Variants in ABCG2 observed in about 807,000 individuals in gnomAD.
ABCG2 encodes ATP binding cassette subfamily G member 2 (JR blood group).
In ABCG2, 80 loss-of-function variants were observed where a neutral mutation model predicts 73.5. The observed-to-expected ratio is 1.09, with a 90% CI of 0.91 to 1.31. ABCG2 has a LOEUF of 1.31. Among genes scored for constraint, ABCG2 ranks in the 50% most tolerant of loss-of-function variants. ABCG2 has a pLI of 0.00. For synonymous variants in ABCG2, 269 were observed against 282.4 expected (o/e 0.95, Z 0.48); for missense variants, 796 against 786.2 (o/e 1.01, Z -0.15).
Position 88,202,350 on chromosome 4 carries a change from TTATTTATATA to T in ABCG2, c.-20+28634_-20+28643del, listed in dbSNP as rs1190049151. Among the ~76,000 whole-genome samples, 146 of 35,394 alleles carry T rather than the reference TTATTTATATA, an allele frequency of 4.1e-3. 17 individuals carry two copies. Among genetic ancestry groups the T allele is most frequent in the East Asian group, 0.032 (3 of 94 alleles). 23.2% of individuals were successfully genotyped at this position (35,394 alleles called of 152,430 possible). On this transcript the variant is annotated intron_variant, in intron 1 of 15. Transcript: ENST00000515655. ...ACATAGGAGGACCCCATCTCTACAA[TTATTTATATA>T]TATATATATATATATATGTATATTT...
At chr4:88,149,087 T>C (rs1376720706) in intron 1 of ABCG2, among the ~76,000 whole-genome samples, 1 of 152,172 alleles carries the variant, frequency 6.6e-6, no homozygotes, top group Non-Finnish European at 1.5e-5. Flanking sequence ...TGGTGGCACA[T>C]GCCTGTAGAC....
chr4:88,112,653 G>T (rs1723220505), intron 9 of ABCG2, among the ~76,000 whole-genome samples: 1 of 152,054 alleles, frequency 6.6e-6, no homozygotes, highest in South Asian at 2.1e-4. Flanking sequence ...AGAACAAGTT[G>T]AATGAATCAG....
At chr4:88,181,398 C>CAAAAAAAAA (rs57417105) in intron 1 of ABCG2, among the ~76,000 whole-genome samples, 79 of 96,842 alleles carry the variant, frequency 8.2e-4, no homozygotes, top group African/African-American at 1.8e-3. Context: ...GACTCCATCT[C>CAAAAAAAAA]AAAAAAAAAA....
intron 1 of ABCG2, among the ~76,000 whole-genome samples, chr4:88,146,898 AGAAGGAAG>A (rs34167974): frequency 4.2e-4 from 52 of 124,512 alleles, no homozygotes; most frequent in South Asian, 8.8e-4. Context: ...AAAAGGAGAA[AGAAGGAAG>A]GAAGGAAGGA....
chr4:88,095,671 A>G, intron 13 of ABCG2, 62 bp from the exon 14 acceptor site: 1 of 1,334,556 alleles, frequency 7.5e-7, no homozygotes, highest in Non-Finnish European at 1.1e-6. Flanking sequence ...AATTCTAGAG[A>G]ATACCCTCTT....
intron 1 of ABCG2, among the ~76,000 whole-genome samples, chr4:88,214,396 C>A (rs937995503): frequency 6.6e-6 from 1 of 152,160 alleles, no homozygotes; most frequent in Admixed American, 6.5e-5. Context: ...CTTCTCCAAT[C>A]CCTCCCCCAT....
intron 1 of ABCG2, among the ~76,000 whole-genome samples, chr4:88,183,482 C>A (rs1444599449): frequency 6.6e-6 from 1 of 152,026 alleles, no homozygotes; most frequent in African/African-American, 2.4e-5. Context: ...GAAATAAATT[C>A]TTGAATACAC....
At chr4:88,227,180 G>A (rs1376542372) in intron 1 of ABCG2, among the ~76,000 whole-genome samples, 1 of 152,078 alleles carries the variant, frequency 6.6e-6, no homozygotes, top group African/African-American at 2.4e-5. Flanking sequence ...ATCACCTGAG[G>A]TCAGCAGTTC....
chr4:88,140,891 A>C (rs768388979), intron 1 of ABCG2, among the ~76,000 whole-genome samples: 29 of 152,208 alleles, frequency 1.9e-4, no homozygotes, highest in Admixed American at 1.5e-3. Flanking sequence ...AAAATCATTA[A>C]GTAAATCAAA....
At chr4:88,120,732 G>A (rs1405442514) in intron 6 of ABCG2, among the ~76,000 whole-genome samples, 1 of 152,092 alleles carries the variant, frequency 6.6e-6, no homozygotes, top group East Asian at 1.9e-4. Context: ...CAGGCCCATA[G>A]GTGGATGGAA....
At chr4:88,118,004 T>C in intron 7 of ABCG2, 105 bp downstream of exon 7, 1 of 1,112,956 alleles carries the variant, frequency 9.0e-7, no homozygotes, top group South Asian at 1.7e-5. Context: ...TAGATTCTCA[T>C]GGTATGTCTA....
At chr4:88,147,284 G>C (rs1223585010) in intron 1 of ABCG2, among the ~76,000 whole-genome samples, 1 of 152,074 alleles carries the variant, frequency 6.6e-6, no homozygotes, top group Non-Finnish European at 1.5e-5. Context: ...AACATGACAA[G>C]ACCCTGTCTC....
At chr4:88,093,470 C>G (rs1410250756) in intron 15 of ABCG2, among the ~76,000 whole-genome samples, 1 of 145,152 alleles carries the variant, frequency 6.9e-6, no homozygotes, top group Non-Finnish European at 1.5e-5. Flanking sequence ...TGCCACTGCA[C>G]TCCAGCCTCG....
At chr4:88,213,615 T>A (rs1189019538) in intron 1 of ABCG2, among the ~76,000 whole-genome samples, 3 of 152,102 alleles carry the variant, frequency 2.0e-5, no homozygotes, top group African/African-American at 7.2e-5. Context: ...TATGTATATA[T>A]ATGTGTGTGA....
At chr4:88,146,931 A>AAGGGAGGG (rs1196059568) in intron 1 of ABCG2, among the ~76,000 whole-genome samples, 6 of 137,058 alleles carry the variant, frequency 4.4e-5, no homozygotes, top group Non-Finnish European at 6.3e-5. Flanking sequence ...AGGAAGAAGG[A>AAGGGAGGG]AGGAAGGGAG....
intron 5 of ABCG2, among the ~76,000 whole-genome samples, chr4:88,129,931 C>A (rs959438852): frequency 6.6e-6 from 1 of 152,020 alleles, no homozygotes; most frequent in African/African-American, 2.4e-5. Context: ...ACAATTGTAT[C>A]TCTAGAACCT....
intron 1 of ABCG2, among the ~76,000 whole-genome samples, chr4:88,190,316 T>C (rs2127863): frequency 0.84 from 128,031 of 152,130 alleles, 54,051 homozygotes; most frequent in East Asian, 1. Context: ...TCACTTTATA[T>C]CCCTGTTCTA....
Position 88,214,101 on chromosome 4 carries a change from C to T in ABCG2, c.-20+16893G>A, listed in dbSNP as rs531639198. On this transcript the variant is annotated intron_variant, in intron 1 of 15. Transcript: ENST00000515655. ...CTCCTGGGCTCAAGTGGTCCTCCTA[C>T]CTCAGCCTCCTAAGTAAGTGGGACT... Among the ~76,000 whole-genome samples, 6 of 150,624 alleles carry T rather than the reference C, an allele frequency of 4.0e-5. No homozygotes were observed. In the East Asian group the frequency reaches 7.8e-4, roughly 20 times the overall value.
chr4:88,172,290 G>A (rs1189940548), intron 1 of ABCG2, among the ~76,000 whole-genome samples: 3 of 96,958 alleles, frequency 3.1e-5, no homozygotes, highest in Admixed American at 1.0e-4. Context: ...GCAAAGCTCC[G>A]TCACAAAAAA....
Sources: gnomAD v4.1 joint callset for allele counts (sites outside exome capture counted in the v4.1 genomes callset) on GRCh38, gnomAD v4.1.1 for gene constraint, MANE v1.5 for transcripts, NCBI Gene and HGNC (gene_info 2026-07-23, HGNC 2026-07-21) for gene names.